The following GALNT13 variants were observed in gnomAD, a reference collection of about 807,000 sequenced individuals.
GALNT13 encodes the protein polypeptide N-acetylgalactosaminyltransferase 13.
GALNT13 carries 28 observed loss-of-function variants against 64.2 expected under a neutral mutation model. The observed-to-expected ratio is 0.44, with a 90% CI of 0.32 to 0.60. GALNT13 has a LOEUF of 0.60. Among genes scored for constraint, GALNT13 ranks in the 20% least tolerant of loss-of-function variants. The pLI is 0.05. For missense variants in GALNT13, 577 were observed against 669.8 expected, an observed-to-expected ratio of 0.86 and a Z score of 1.53; for synonymous variants, 214 against 224.6, an observed-to-expected ratio of 0.95 and a Z score of 0.42.
chr2:153,996,214 A>G (rs150017731), intron 3 of GALNT13, among the ~76,000 whole-genome samples: 18 of 152,312 alleles, frequency 1.2e-4, no homozygotes, highest in East Asian at 3.9e-4. Flanking sequence ...GCTGAATCAT[A>G]TAGTAGTTCC....
At chr2:154,112,548 C>T (rs1404270233) in intron 3 of GALNT13, among the ~76,000 whole-genome samples, 1 of 152,222 alleles carries the variant, frequency 6.6e-6, no homozygotes, top group East Asian at 1.9e-4. Context: ...TCCTATCATG[C>T]TTCTTCCATG....
chr2:153,293,186 A>G, the GALNT13 span, among the ~76,000 whole-genome samples: 2 of 151,972 alleles, frequency 1.3e-5, no homozygotes, highest in African/African-American at 4.8e-5. Flanking sequence ...AGAATAATGG[A>G]TCTGCAAAGT....
intron 4 of GALNT13, among the ~76,000 whole-genome samples, chr2:154,219,649 C>A (rs1573900758): frequency 6.6e-6 from 1 of 152,114 alleles, no homozygotes; most frequent in Non-Finnish European, 1.5e-5. Context: ...CAACCCAATC[C>A]TGCTCCAGTT....
the GALNT13 span, among the ~76,000 whole-genome samples, chr2:153,864,512 T>G: frequency 6.6e-6 from 1 of 152,160 alleles, no homozygotes; most frequent in Admixed American, 6.5e-5. Context: ...CACATTGATT[T>G]TGTATCCTGA....
chr2:153,449,583 T>G, the GALNT13 span: 4 of 152,412 alleles, frequency 2.6e-5, no homozygotes, highest in Non-Finnish European at 4.4e-5. Context: ...ACAATTGCGT[T>G]ATCTATTGTC....
At chr2:153,780,238 T>TATATATATGC in the GALNT13 span, among the ~76,000 whole-genome samples, 14 of 15,098 alleles carry the variant, frequency 9.3e-4, no homozygotes, top group Non-Finnish European at 3.8e-3. Context: ...TATATATATA[T>TATATATATGC]ATATATATAT....
intron 3 of GALNT13, among the ~76,000 whole-genome samples, chr2:153,994,371 A>G (rs1262648664): frequency 1.3e-5 from 2 of 152,238 alleles, no homozygotes; most frequent in African/African-American, 4.8e-5. Context: ...GTGCTGCAAT[A>G]AACATACGTG....
At chr2:153,686,502 C>G in the GALNT13 span, among the ~76,000 whole-genome samples, 1 of 152,002 alleles carries the variant, frequency 6.6e-6, no homozygotes, top group African/African-American at 2.4e-5. Context: ...TATCCTGAGA[C>G]TTTGCTGAAG....
chr2:154,333,606 C>G (rs931865540), intron 9 of GALNT13, among the ~76,000 whole-genome samples: 2 of 151,990 alleles, frequency 1.3e-5, no homozygotes, highest in Non-Finnish European at 2.9e-5. Flanking sequence ...TTGTCTTTCC[C>G]CTATTTTATA....
chr2:153,262,753 C>A, the GALNT13 span, among the ~76,000 whole-genome samples: 1 of 152,104 alleles, frequency 6.6e-6, no homozygotes. Flanking sequence ...GTTCAACATC[C>A]TTTATGTTAA....
the GALNT13 span, chr2:153,762,460 A>G: frequency 9.1e-5 from 14 of 153,674 alleles, no homozygotes; most frequent in Non-Finnish European, 2.0e-4. Context: ...CCTTTGTTAT[A>G]CAATTCTCTT....
intron 3 of GALNT13, among the ~76,000 whole-genome samples, chr2:154,092,624 A>C (rs1188709354): frequency 6.6e-6 from 1 of 152,076 alleles, no homozygotes; most frequent in Admixed American, 6.6e-5. Context: ...TAGAATAAGA[A>C]GTGGCTTGAA....
chr2:154,446,828 C>A, intron 12 of GALNT13: 1 of 1,404,392 alleles, frequency 7.1e-7, no homozygotes. Context: ...TTATTGAAAT[C>A]TGGAAACTCC....
chr2:153,933,001 C>A (rs879080882), intron 2 of GALNT13, among the ~76,000 whole-genome samples: 12 of 152,104 alleles, frequency 7.9e-5, no homozygotes, highest in Admixed American at 5.2e-4. Context: ...ATGATTTCAG[C>A]TTTTTTAAAA....
chr2:154,253,911 T>C (rs1391635381), intron 7 of GALNT13, among the ~76,000 whole-genome samples: 1 of 152,186 alleles, frequency 6.6e-6, no homozygotes, highest in Non-Finnish European at 1.5e-5. Context: ...GGTATGCTTA[T>C]AGAAGTGGTG....
At chr2:153,386,780 C>T in the GALNT13 span, among the ~76,000 whole-genome samples, 1 of 152,054 alleles carries the variant, frequency 6.6e-6, no homozygotes, top group African/African-American at 2.4e-5. Context: ...CCAAAAGGAT[C>T]ACTGGCCAGG....
chr2:153,101,475 G>A, the GALNT13 span, among the ~76,000 whole-genome samples: 1 of 152,192 alleles, frequency 6.6e-6, no homozygotes, highest in Non-Finnish European at 1.5e-5. Flanking sequence ...TACTGTTGAA[G>A]CAGGGATCTG....
chr2:153,744,454 G>T, the GALNT13 span, among the ~76,000 whole-genome samples: 1 of 152,030 alleles, frequency 6.6e-6, no homozygotes, highest in South Asian at 2.1e-4. Flanking sequence ...TTTCATATGC[G>T]TATGTCCCAT....
the GALNT13 span, among the ~76,000 whole-genome samples, chr2:153,785,892 C>A: frequency 1.3e-5 from 2 of 152,106 alleles, no homozygotes; most frequent in African/African-American, 4.8e-5. Flanking sequence ...GTCCTGACCT[C>A]CAGCACAGAG....
Sources: gnomAD v4.1 joint callset for allele counts (sites outside exome capture counted in the v4.1 genomes callset) on GRCh38, gnomAD v4.1.1 for gene constraint, MANE v1.5 for transcripts, NCBI Gene and HGNC (gene_info 2026-07-23, HGNC 2026-07-21) for gene names.